Variants in WDR7 observed in about 807,000 individuals in gnomAD.
The protein encoded by WDR7 is WD repeat domain 7.
WDR7 carries 46 observed loss-of-function variants against 169.4 expected under a neutral mutation model. The observed-to-expected ratio is 0.27, with a 90% CI of 0.21 to 0.35. WDR7 has a LOEUF of 0.35. Ranked by LOEUF, WDR7 falls within the 10% of genes least tolerant of loss-of-function variation. The pLI, the probability that WDR7 is intolerant of heterozygous loss-of-function variation, is 1.00. For synonymous variants in WDR7, 612 were observed against 666.8 expected (o/e 0.92, Z 1.27); for missense variants, 1,534 against 1,859.3 (o/e 0.83, Z 3.22).
rs2048377641 is a variant in WDR7 at position 57,027,123 on chromosome 18, C to T, written c.4389C>T (p.Leu1463=). 3 of 1,614,114 alleles carry T rather than the reference C, an allele frequency of 1.9e-6. No homozygotes were observed. The highest frequency in any genetic ancestry group is 2.7e-5 in the African/African-American group (2 of 74,946). Residue 1463 remains leucine, a synonymous_variant, in exon 28 of 28, where the codon CTC becomes CTT. Coordinates refer to ENST00000254442, the MANE Select transcript of WDR7 (RefSeq NM_015285.3). ...CGTCCCCCGGCTCCCACAATGCCCT[C>T]AAGCTGGCCCGGCTCATCTGGACTT... ...QPASPGSHNA[L]KLARLIWTSN...
At chr18:56,698,622 A>T (rs1192523114) in intron 12 of WDR7, among the ~76,000 whole-genome samples, 4 of 151,016 alleles carry the variant, frequency 2.6e-5, no homozygotes, top group South Asian at 2.1e-4. Flanking sequence ...AAAAAAAAAA[A>T]TTCAGATTGG....
At chr18:56,885,461 G>A (rs2046174182) in intron 21 of WDR7, among the ~76,000 whole-genome samples, 1 of 151,990 alleles carries the variant, frequency 6.6e-6, no homozygotes, top group Non-Finnish European at 1.5e-5. Flanking sequence ...CTGGAATGAA[G>A]GACATGCTTA....
At chr18:56,918,685 T>C (rs1330369503) in intron 21 of WDR7, among the ~76,000 whole-genome samples, 1 of 152,184 alleles carries the variant, frequency 6.6e-6, no homozygotes, top group Non-Finnish European at 1.5e-5. Context: ...TTGTTTATAT[T>C]TTTCATATTT....
intron 19 of WDR7, among the ~76,000 whole-genome samples, chr18:56,806,241 A>G (rs887285551): frequency 6.6e-6 from 1 of 152,168 alleles, no homozygotes; most frequent in Non-Finnish European, 1.5e-5. Flanking sequence ...GCCTAGAATA[A>G]CTATCATTCA....
At chr18:56,923,321 A>G (rs2046753926) in intron 21 of WDR7, among the ~76,000 whole-genome samples, 1 of 152,264 alleles carries the variant, frequency 6.6e-6, no homozygotes, top group African/African-American at 2.4e-5. Flanking sequence ...AGATTTAGAA[A>G]TAATATTGAA....
chr18:56,700,571 T>C (rs2025808407), intron 12 of WDR7, among the ~76,000 whole-genome samples: 1 of 3,056 alleles, frequency 3.3e-4, no homozygotes, highest in African/African-American at 3.3e-4. Context: ...GTTTCTTTTT[T>C]TTTTTTTTTT....
intron 19 of WDR7, among the ~76,000 whole-genome samples, chr18:56,799,386 G>T (rs1296696224): frequency 6.6e-6 from 1 of 151,760 alleles, no homozygotes; most frequent in Admixed American, 6.6e-5. Flanking sequence ...ATTACTTGAG[G>T]TCACATATTT....
intron 16 of WDR7, among the ~76,000 whole-genome samples, chr18:56,775,928 C>T (rs758603496): frequency 3.3e-5 from 5 of 152,162 alleles, no homozygotes; most frequent in African/African-American, 1.2e-4. Context: ...TTTGAAGATG[C>T]TTGTGCATGA....
chr18:56,793,761 A>T lies in WDR7; in HGVS notation c.3190+12105A>T, dbSNP rs543721923. ...TTGAAACACATGAATAGGATAACAGAGACATATTCCTCTTATATATTTGGC... is the reference window on the plus strand; with the variant it reads ...TTGAAACACATGAATAGGATAACAGTGACATATTCCTCTTATATATTTGGC... On this transcript the variant is annotated intron_variant, in intron 19 of 27. Transcript: ENST00000254442. Among the ~76,000 whole-genome samples the T allele has an allele frequency of 8.5e-5, 13 of 152,356 alleles. No individual in the cohort carries two copies. The South Asian group carries it at 2.5e-3, about 29-fold the overall frequency.
intron 25 of WDR7, among the ~76,000 whole-genome samples, chr18:56,955,853 A>G (rs548642212): frequency 4.9e-4 from 74 of 152,296 alleles, no homozygotes; most frequent in South Asian, 2.1e-4. Flanking sequence ...AGACAAGTTA[A>G]TGAACTTACT....
intron 26 of WDR7, among the ~76,000 whole-genome samples, chr18:57,006,635 C>T (rs1393831205): frequency 6.6e-6 from 1 of 152,034 alleles, no homozygotes; most frequent in East Asian, 1.9e-4. Flanking sequence ...ATTCACTTTC[C>T]CTTTCATTCA....
intron 22 of WDR7, among the ~76,000 whole-genome samples, chr18:56,931,151 G>A (rs749942486): frequency 2.0e-5 from 3 of 151,924 alleles, no homozygotes; most frequent in Admixed American, 1.3e-4. Context: ...AAAGAGAACC[G>A]AAAGACCCAT....
Position 56,935,864 on chromosome 18 carries a change from A to G in WDR7, c.3790A>G (p.Thr1264Ala). 6.2e-7 allele frequency: 1 copy of G among 1,614,066 alleles called. No homozygotes were observed. The highest frequency in any genetic ancestry group is 1.1e-5 in the South Asian group (1 of 91,078). Residue 1264 changes from threonine (T) to alanine (A), a missense_variant, in exon 23 of 28, where the codon ACC (threonine) becomes GCC (alanine). Transcript: ENST00000254442. ...GAGGCATGCCCTCTCGCTCATTGCC[A>G]CCGCCAGACCACCCGCCTTCATCAC... ...SARHALSLIA[T>A]ARPPAFITTI...
intron 17 of WDR7, 146 bp downstream of exon 17, chr18:56,777,026 A>G: frequency 1.3e-6 from 1 of 763,342 alleles, no homozygotes; most frequent in Non-Finnish European, 2.2e-6. Context: ...TGCTAATGTC[A>G]ATGACAAGAA....
intron 11 of WDR7, 152 bp downstream of exon 11, chr18:56,695,350 T>C (rs1210797475): frequency 1.1e-6 from 1 of 903,784 alleles, no homozygotes; most frequent in East Asian, 2.6e-5. Context: ...AATGCACAGA[T>C]AAAATATTCA....
rs758413883 is a variant in WDR7 at position 56,731,003 on chromosome 18, G to C, written c.1775-380G>C. Among the ~76,000 whole-genome samples, 3 of 152,026 alleles carry C rather than the reference G, an allele frequency of 2.0e-5. No homozygotes were observed. The East Asian group carries it at 5.8e-4, about 29-fold the overall frequency. On this transcript the variant is annotated intron_variant, in intron 13 of 27. Transcript: ENST00000254442. ...AACAAATTTTAGTAAGACTTTTTTC[G>C]TTTAAGATTGATATACAACTTAGAG...
intron 20 of WDR7, among the ~76,000 whole-genome samples, chr18:56,831,066 A>G (rs779557675): frequency 1.4e-4 from 21 of 152,188 alleles, no homozygotes; most frequent in Admixed American, 2.6e-4. Flanking sequence ...AACTTTGTAC[A>G]TCAACCCAGC....
chr18:56,676,922 CT>C (rs2025257020), intron 2 of WDR7, among the ~76,000 whole-genome samples: 1 of 152,116 alleles, frequency 6.6e-6, no homozygotes, highest in South Asian at 2.1e-4. Flanking sequence ...AGCTTTTTAA[CT>C]TTTTATTGTT....
At chr18:56,685,175 C>G (rs1295064214) in intron 5 of WDR7, among the ~76,000 whole-genome samples, 2 of 152,092 alleles carry the variant, frequency 1.3e-5, no homozygotes, top group Admixed American at 1.3e-4. Context: ...AGTAATAACT[C>G]AACTTTATTG....
Sources: gnomAD v4.1 joint callset for allele counts (sites outside exome capture counted in the v4.1 genomes callset) on GRCh38, gnomAD v4.1.1 for gene constraint, MANE v1.5 for transcripts, NCBI Gene and HGNC (gene_info 2026-07-23, HGNC 2026-07-21) for gene names.